The following RTL4 variants were observed in gnomAD, a reference collection of about 807,000 sequenced individuals.
RTL4 encodes retrotransposon Gag-like protein 4.
RTL4 carries 4 observed loss-of-function variants against 5.3 expected under a neutral mutation model. The observed-to-expected ratio is 0.75, with a 90% CI of 0.37 to 1.72. The LOEUF is 1.72. Among genes scored for constraint, RTL4 ranks in the 40% most tolerant of loss-of-function variants. The probability of loss-of-function intolerance (pLI) is 0.04; values close to 1 mark genes in which losing one functional copy is unlikely to be tolerated. For synonymous variants in RTL4, 98 were observed against 87.3 expected, an observed-to-expected ratio of 1.12 and a Z score of -0.68; for missense variants, 260 against 227.1, an observed-to-expected ratio of 1.14 and a Z score of -0.93.
chrX:112,210,949 T>C, the RTL4 span, among the ~76,000 whole-genome samples: 11 of 112,229 alleles, frequency 9.8e-5, no homozygotes, highest in East Asian at 5.6e-4. Flanking sequence ...AATCCAGTAA[T>C]AGGAATGGCA....
the RTL4 span, among the ~76,000 whole-genome samples, chrX:112,170,235 T>C: frequency 1.4e-3 from 152 of 112,536 alleles, no homozygotes; most frequent in African/African-American, 4.7e-3. Flanking sequence ...TTGTCTTGGC[T>C]ATATGGCCTC....
At chrX:112,218,129 G>T in the RTL4 span, among the ~76,000 whole-genome samples, 2 of 111,976 alleles carry the variant, frequency 1.8e-5, no homozygotes, top group Non-Finnish European at 3.8e-5. Flanking sequence ...TTATCAATGG[G>T]TTAATTTTGC....
At chrX:112,245,408 T>A in the RTL4 span, among the ~76,000 whole-genome samples, 1 of 111,519 alleles carries the variant, frequency 9.0e-6, no homozygotes, top group African/African-American at 3.3e-5. Context: ...TTACTCTTTT[T>A]TCTCTATTCT....
chrX:112,381,757 G>A, the RTL4 span: 10 of 1,201,203 alleles, frequency 8.3e-6, no homozygotes, highest in East Asian at 3.0e-5. Flanking sequence ...AAGAAATACA[G>A]ACATTACAGG....
At chrX:112,359,879 G>A in the RTL4 span, among the ~76,000 whole-genome samples, 47,682 of 109,725 alleles carry the variant, frequency 0.43, 9,043 homozygotes, top group South Asian at 0.64. Context: ...ACTAATGGAC[G>A]TTTTGAAAGC....
the RTL4 span, among the ~76,000 whole-genome samples, chrX:112,410,632 C>T: frequency 9.0e-6 from 1 of 111,596 alleles, no homozygotes; most frequent in Non-Finnish European, 1.9e-5. Flanking sequence ...TCCAGAATGA[C>T]AGGTTGGTGT....
the RTL4 span, among the ~76,000 whole-genome samples, chrX:112,326,495 G>A: frequency 8.9e-6 from 1 of 112,065 alleles, no homozygotes; most frequent in South Asian, 3.7e-4. Flanking sequence ...ACGTGGCTCG[G>A]AGGGTCCTAC....
At chrX:112,279,958 A>T in the RTL4 span, among the ~76,000 whole-genome samples, 1 of 111,683 alleles carries the variant, frequency 9.0e-6, no homozygotes, top group South Asian at 3.8e-4. Context: ...ATCAAAGGTT[A>T]CGATACTGCC....
chrX:112,222,228 T>G, the RTL4 span, among the ~76,000 whole-genome samples: 3 of 111,055 alleles, frequency 2.7e-5, no homozygotes, highest in African/African-American at 9.8e-5. Context: ...GAACTAAAAT[T>G]TTTACCACCT....
At chrX:112,196,801 C>T in the RTL4 span, among the ~76,000 whole-genome samples, 7 of 111,252 alleles carry the variant, frequency 6.3e-5, no homozygotes, top group Non-Finnish European at 1.1e-4. Flanking sequence ...CTCTTCATGT[C>T]TTTTGCCTAT....
chrX:112,155,810 G>A, the RTL4 span, among the ~76,000 whole-genome samples: 1 of 111,419 alleles, frequency 9.0e-6, no homozygotes, highest in Non-Finnish European at 1.9e-5. Flanking sequence ...TGGAGGAGTG[G>A]CTTTTTGGAT....
chrX:112,186,628 A>T, the RTL4 span, among the ~76,000 whole-genome samples: 5,583 of 111,712 alleles, frequency 0.05, 365 homozygotes, highest in African/African-American at 0.17. Flanking sequence ...ATATAGACAG[A>T]TGTATAAGAT....
At chrX:112,195,370 C>T in the RTL4 span, among the ~76,000 whole-genome samples, 20 of 112,039 alleles carry the variant, frequency 1.8e-4, no homozygotes, top group Non-Finnish European at 7.5e-5. Context: ...TTCAGTTAGT[C>T]GCATTCTCTT....
chrX:112,260,507 A>G, the RTL4 span, among the ~76,000 whole-genome samples: 1 of 112,006 alleles, frequency 8.9e-6, no homozygotes, highest in South Asian at 3.8e-4. Context: ...AAGTTTCCAC[A>G]GAGTATTGAT....
the RTL4 span, among the ~76,000 whole-genome samples, chrX:112,311,746 T>A: frequency 1.8e-5 from 2 of 111,321 alleles, no homozygotes; most frequent in East Asian, 5.7e-4. Context: ...CTGGCCTGCC[T>A]CCTAACTCAT....
At chrX:112,337,075 A>G in the RTL4 span, among the ~76,000 whole-genome samples, 759 of 111,680 alleles carry the variant, frequency 6.8e-3, 4 homozygotes, top group African/African-American at 0.024. Context: ...GCCAGATTTG[A>G]TCTGTGGGCT....
At chrX:112,265,135 A>C in the RTL4 span, among the ~76,000 whole-genome samples, 14 of 112,874 alleles carry the variant, frequency 1.2e-4, no homozygotes, top group Admixed American at 1.3e-3. Flanking sequence ...TCTGCAGGGG[A>C]TAGGCCACCA....
the RTL4 span, among the ~76,000 whole-genome samples, chrX:112,236,828 C>T: frequency 1.4e-4 from 15 of 110,872 alleles, no homozygotes; most frequent in Non-Finnish European, 2.6e-4. Context: ...GCAAAAGGGC[C>T]TTTGCACGTG....
chrX:112,138,849 C>T, the RTL4 span, among the ~76,000 whole-genome samples: 1 of 111,647 alleles, frequency 9.0e-6, no homozygotes, highest in African/African-American at 3.2e-5. Flanking sequence ...TAACATCTTA[C>T]ATAACCATGG....
Sources: gnomAD v4.1 joint callset for allele counts (sites outside exome capture counted in the v4.1 genomes callset) on GRCh38, gnomAD v4.1.1 for gene constraint, MANE v1.5 for transcripts, NCBI Gene and HGNC (gene_info 2026-07-23, HGNC 2026-07-21) for gene names.